DCDC2: variants seen among roughly 807,000 people sequenced by gnomAD.
The protein encoded by DCDC2 is doublecortin domain-containing protein 2.
A neutral mutation model predicts 50.2 loss-of-function variants in DCDC2; 40 were observed. The observed-to-expected ratio is 0.80, with a 90% CI of 0.62 to 1.04. DCDC2 has a LOEUF of 1.04. Ranked by LOEUF, DCDC2 falls within the 50% of genes least tolerant of loss-of-function variation. The probability of loss-of-function intolerance (pLI) is 0.00; values close to 1 mark genes in which losing one functional copy is unlikely to be tolerated. For missense variants in DCDC2, 570 were observed against 581.9 expected (o/e 0.98, Z 0.21); for synonymous variants, 234 against 210.6 (o/e 1.11, Z -0.96).
At chr6:24,327,839 A>T (rs776254482) in intron 2 of DCDC2, among the ~76,000 whole-genome samples, 17 of 151,802 alleles carry the variant, frequency 1.1e-4, no homozygotes, top group East Asian at 5.8e-4. Flanking sequence ...TTCTTTAAAT[A>T]AAAAAAATTT....
At chr6:24,368,409 C>T in the DCDC2 span, among the ~76,000 whole-genome samples, 3 of 151,716 alleles carry the variant, frequency 2.0e-5, no homozygotes, top group Non-Finnish European at 2.9e-5. Flanking sequence ...AGTGATTCTG[C>T]GATACAAAAT....
At chr6:24,211,629 T>C (rs1284846767) in intron 7 of DCDC2, among the ~76,000 whole-genome samples, 1 of 152,118 alleles carries the variant, frequency 6.6e-6, no homozygotes, top group Non-Finnish European at 1.5e-5. Flanking sequence ...ACTGATACAG[T>C]GCAAACAAGA....
chr6:24,340,291 G>A (rs1760131703), intron 2 of DCDC2, among the ~76,000 whole-genome samples: 1 of 152,116 alleles, frequency 6.6e-6, no homozygotes, highest in South Asian at 2.1e-4. Context: ...CCTAATAGGT[G>A]AGGAAAGTCA....
chr6:24,299,234 G>A (rs1376168426), intron 4 of DCDC2, among the ~76,000 whole-genome samples: 2 of 152,150 alleles, frequency 1.3e-5, no homozygotes, highest in Non-Finnish European at 2.9e-5. Flanking sequence ...ATTAATGCAG[G>A]AACAGAAAAC....
intron 2 of DCDC2, among the ~76,000 whole-genome samples, chr6:24,303,376 TG>T (rs1371863855): frequency 6.6e-5 from 10 of 152,090 alleles, no homozygotes; most frequent in Non-Finnish European, 1.2e-4. Flanking sequence ...CGTCACGCAC[TG>T]TAGTTGAACC....
At chr6:24,214,387 A>G (rs1234103870) in intron 7 of DCDC2, among the ~76,000 whole-genome samples, 2 of 152,186 alleles carry the variant, frequency 1.3e-5, no homozygotes, top group Non-Finnish European at 2.9e-5. Flanking sequence ...TCTTATTCCT[A>G]CACTTCTGTT....
chr6:24,237,309 C>G (rs1303535928), intron 7 of DCDC2, among the ~76,000 whole-genome samples: 1 of 152,066 alleles, frequency 6.6e-6, no homozygotes, highest in Non-Finnish European at 1.5e-5. Flanking sequence ...TACACCAAAC[C>G]CCCGTGACAC....
intron 2 of DCDC2, among the ~76,000 whole-genome samples, chr6:24,351,281 C>T (rs943163283): frequency 5.3e-5 from 8 of 152,102 alleles, no homozygotes; most frequent in African/African-American, 4.8e-5. Context: ...AAGGTATCTC[C>T]GGACTGGACA....
At chr6:24,259,134 A>G (rs1241034839) in intron 7 of DCDC2, among the ~76,000 whole-genome samples, 1 of 42,854 alleles carries the variant, frequency 2.3e-5, no homozygotes, top group African/African-American at 3.3e-5. Context: ...AAGACATGTG[A>G]AAAAAAAACA....
chr6:24,297,859 T>C (rs369547881), intron 4 of DCDC2, among the ~76,000 whole-genome samples: 1 of 152,178 alleles, frequency 6.6e-6, no homozygotes, highest in East Asian at 1.9e-4. Flanking sequence ...AAACAAGTCA[T>C]AAAACGTAGT....
chr6:24,238,945 G>C (rs1762509289), intron 7 of DCDC2, among the ~76,000 whole-genome samples: 1 of 152,200 alleles, frequency 6.6e-6, no homozygotes, highest in Non-Finnish European at 1.5e-5. Context: ...CTATAGGAGA[G>C]AGTATTAGCT....
At chr6:24,307,473 C>CA (rs1171716904) in intron 2 of DCDC2, among the ~76,000 whole-genome samples, 1 of 152,016 alleles carries the variant, frequency 6.6e-6, no homozygotes, top group Admixed American at 6.6e-5. Flanking sequence ...CCAACCTACA[C>CA]AAAAAAGCTT....
chr6:24,239,677 A>T (rs1164639502), intron 7 of DCDC2, among the ~76,000 whole-genome samples: 2 of 152,226 alleles, frequency 1.3e-5, no homozygotes. Context: ...TTCCCAGGCT[A>T]AAAGGAAATA....
intron 8 of DCDC2, among the ~76,000 whole-genome samples, chr6:24,183,730 G>T (rs540665379): frequency 2.6e-5 from 4 of 152,126 alleles, no homozygotes; most frequent in African/African-American, 7.2e-5. Context: ...GAGAGTTCCC[G>T]GCATTCGGAG....
chr6:24,282,704 G>T (rs547597794), intron 6 of DCDC2, among the ~76,000 whole-genome samples: 1 of 149,360 alleles, frequency 6.7e-6, no homozygotes, highest in Non-Finnish European at 1.5e-5. Context: ...TTTCGTGAGA[G>T]GTTTGCCTCA....
At chr6:24,281,362 A>T (rs1208489669) in intron 6 of DCDC2, among the ~76,000 whole-genome samples, 1 of 150,406 alleles carries the variant, frequency 6.6e-6, no homozygotes, top group East Asian at 1.9e-4. Flanking sequence ...TTTTTTAAAG[A>T]TAGGCTCTTG....
intron 7 of DCDC2, among the ~76,000 whole-genome samples, chr6:24,263,872 C>T (rs566170826): frequency 5.9e-5 from 9 of 152,162 alleles, no homozygotes; most frequent in South Asian, 4.1e-4. Flanking sequence ...TCAATATTCA[C>T]GTACAAGAGG....
At position 24,172,371 on chromosome 6, in the gene DCDC2, A is replaced by G. The variant is rs1186672269; in HGVS notation, c.*2359T>C. 2.6e-5 allele frequency: 4 copies of G among 152,186 alleles called. No individual in the cohort carries two copies. The highest frequency in any genetic ancestry group is 2.9e-5 in the Non-Finnish European group (2 of 68,030). The allele number at this position is 152,186 out of a possible 1,614,324, so 9.4% of individuals were successfully genotyped here. A position where few individuals can be genotyped will look rare whatever the true frequency, so the allele number is the denominator to read the frequency against. On this transcript the variant is annotated 3_prime_UTR_variant, in exon 10 of 10. Coordinates refer to ENST00000378454, the MANE Select transcript of DCDC2 (RefSeq NM_016356.5). ...GTCCCCATTTTTAAGTTTTTTTGGT[A>G]CAGTTATTGTGGCTTATTACCCCCT...
At chr6:24,249,170 G>GC in intron 7 of DCDC2, among the ~76,000 whole-genome samples, 1 of 151,698 alleles carries the variant, frequency 6.6e-6, no homozygotes, top group Non-Finnish European at 1.5e-5. Flanking sequence ...AAAGGAATTA[G>GC]AGTGAAAGGC....
Sources: gnomAD v4.1 joint callset for allele counts (sites outside exome capture counted in the v4.1 genomes callset) on GRCh38, gnomAD v4.1.1 for gene constraint, MANE v1.5 for transcripts, NCBI Gene and HGNC (gene_info 2026-07-23, HGNC 2026-07-21) for gene names.